GDI2: variants seen among roughly 807,000 people sequenced by gnomAD.
The protein encoded by GDI2 is rab GDP dissociation inhibitor beta.
Under a neutral mutation model 54.2 loss-of-function variants are expected in GDI2, and 22 were observed. The observed-to-expected ratio is 0.41, with a 90% CI of 0.29 to 0.58. The LOEUF (loss-of-function observed/expected upper bound fraction) is 0.58, where lower values mean the gene tolerates loss of function less well. GDI2 is among the 20% of genes least tolerant of loss of function. GDI2 has a pLI of 0.35. For synonymous variants in GDI2, 177 were observed against 182.1 expected, an observed-to-expected ratio of 0.97 and a Z score of 0.23; for missense variants, 422 against 546.0, an observed-to-expected ratio of 0.77 and a Z score of 2.26.
intron 4 of GDI2, among the ~76,000 whole-genome samples, chr10:5,792,688 C>A (rs79042957): frequency 0.014 from 1,803 of 131,014 alleles, 109 homozygotes; most frequent in Admixed American, 0.11. Context: ...TGCGCTTATT[C>A]AAAAAAAAAA....
chr10:5,778,015 C>G (rs964627501), intron 6 of GDI2, among the ~76,000 whole-genome samples: 3 of 152,200 alleles, frequency 2.0e-5, no homozygotes, highest in African/African-American at 7.2e-5. Context: ...AACCATCATT[C>G]TCAGTTAACT....
chr10:5,805,892 C>T (rs187810606), intron 1 of GDI2, among the ~76,000 whole-genome samples: 1 of 152,324 alleles, frequency 6.6e-6, no homozygotes, highest in Admixed American at 6.5e-5. Context: ...ATGCAGCACA[C>T]TTTGGGTAAC....
In GDI2 at chr10:5,806,727, A is replaced by T. The variant is rs573634801; in HGVS notation, c.46-6022T>A. ...GGGGGGTGGGGGAAGAAAACAACCTAAAGCAGCACCAACATATAGTTCCAC... is the reference window on the plus strand; with the variant it reads ...GGGGGGTGGGGGAAGAAAACAACCTTAAGCAGCACCAACATATAGTTCCAC... On this transcript the variant is annotated intron_variant, in intron 1 of 10. Coordinates refer to ENST00000380191, the MANE Select transcript of GDI2 (RefSeq NM_001494.4). 6.2e-4 allele frequency among the ~76,000 whole-genome samples: 95 copies of T among 152,320 alleles called. No homozygotes were observed. In the South Asian group the frequency reaches 0.02, roughly 32 times the overall value.
intron 6 of GDI2, among the ~76,000 whole-genome samples, chr10:5,781,905 C>T (rs1478616262): frequency 6.6e-6 from 1 of 151,954 alleles, no homozygotes; most frequent in African/African-American, 2.4e-5. Flanking sequence ...CCCAGCTACT[C>T]GGGAGGCTGA....
chr10:5,800,765 T>C (rs1377207624), intron 1 of GDI2, 60 bp from the exon 2 acceptor site: 2 of 852,202 alleles, frequency 2.3e-6, no homozygotes, highest in Non-Finnish European at 4.1e-6. Context: ...AAACAGATCA[T>C]TTTTTTCAAG....
In GDI2 at chr10:5,796,871, A is replaced by C. The variant is rs778723839; in HGVS notation, c.154-9T>G. On this transcript the variant is annotated splice_polypyrimidine_tract_variant and intron_variant, in intron 2 of 10. Transcript: ENST00000380191. ...TTAAATCTTTTGTATAACTAAAAGC[A>C]AGGAAAAACATAGCCATAATGTTAA... 1 of 1,316,116 alleles carries C rather than the reference A, an allele frequency of 7.6e-7. No homozygotes were observed. Among genetic ancestry groups the C allele is most frequent in the Non-Finnish European group, 1.1e-6 (1 of 911,128 alleles). The allele number at this position is 1,316,116 out of a possible 1,614,324, so 81.5% of individuals were successfully genotyped here.
intron 7 of GDI2, among the ~76,000 whole-genome samples, chr10:5,773,369 ATTTT>A (rs910070208): frequency 2.0e-5 from 3 of 150,512 alleles, no homozygotes; most frequent in African/African-American, 4.9e-5. Flanking sequence ...TTTCCTTGTG[ATTTT>A]TTTTTTCAGT....
intron 2 of GDI2, among the ~76,000 whole-genome samples, chr10:5,797,843 T>C (rs77468131): frequency 0.038 from 5,735 of 152,280 alleles, 383 homozygotes; most frequent in African/African-American, 0.13. Flanking sequence ...ATAGCAATCA[T>C]CTAAATTCAT....
intron 1 of GDI2, among the ~76,000 whole-genome samples, chr10:5,811,012 C>A (rs1214795727): frequency 2.0e-5 from 3 of 152,166 alleles, no homozygotes; most frequent in African/African-American, 7.2e-5. Context: ...AAGTCTCAGG[C>A]ACTAAAGTAA....
chr10:5,785,122 T>A lies in GDI2; in HGVS notation c.719+20A>T. ...AAGATGAGGTTTTGGATCACTGAGG[T>A]TTTAAACACAGGCTCTTACCTTGCA... On this transcript the variant is annotated intron_variant, in intron 6 of 10. Coordinates refer to ENST00000380191, the MANE Select transcript of GDI2 (RefSeq NM_001494.4). 1 of 1,553,736 alleles carries A rather than the reference T, an allele frequency of 6.4e-7. No homozygotes were observed.
intron 7 of GDI2, among the ~76,000 whole-genome samples, chr10:5,772,531 C>T (rs181572060): frequency 5.9e-5 from 9 of 151,876 alleles, no homozygotes; most frequent in Non-Finnish European, 7.4e-5. Flanking sequence ...CTGAGGCGGG[C>T]GGATCACTTG....
At chr10:5,786,203 C>T (rs1346740154) in intron 4 of GDI2, among the ~76,000 whole-genome samples, 153 bp from the exon 5 acceptor site, 1 of 112,378 alleles carries the variant, frequency 8.9e-6, no homozygotes, top group Non-Finnish European at 1.7e-5. Context: ...CAGAGTCTTG[C>T]TCTGTCGCCT....
At chr10:5,780,217 AAAACAAAC>A (rs200803775) in intron 6 of GDI2, among the ~76,000 whole-genome samples, 25,746 of 143,938 alleles carry the variant, frequency 0.18, 2,476 homozygotes, top group Admixed American at 0.24. Context: ...TCCAAAAAAA[AAAACAAAC>A]AAACAAACAA....
intron 7 of GDI2, among the ~76,000 whole-genome samples, chr10:5,770,201 T>C (rs1297037615): frequency 6.6e-6 from 1 of 152,214 alleles, no homozygotes; most frequent in Non-Finnish European, 1.5e-5. Flanking sequence ...AGTAGAATGG[T>C]GCTTGCCAGT....
chr10:5,786,255 C>T (rs1340809371), intron 4 of GDI2, among the ~76,000 whole-genome samples: 2 of 146,674 alleles, frequency 1.4e-5, no homozygotes, highest in Non-Finnish European at 3.0e-5. Flanking sequence ...ACTGCAACCT[C>T]TGCCTCCCGT....
At position 5,794,183 on chromosome 10, in the gene GDI2, AAAAAAATATATATATATATATATAT is replaced by A. The variant is rs1342253526; in HGVS notation, c.388+677_388+701del. 4.5e-4 allele frequency among the ~76,000 whole-genome samples: 24 copies of A among 53,148 alleles called. 2 individuals carry two copies. The highest frequency in any genetic ancestry group is 4.5e-3 in the South Asian group (5 of 1,118). 34.9% of individuals were successfully genotyped at this position (53,148 alleles called of 152,430 possible). A position where few individuals can be genotyped will look rare whatever the true frequency, so the allele number is the denominator to read the frequency against. ...CTCTGTCTTTAAAAGAAAAAAAAAA[AAAAAAATATATATATATATATATAT>A]ATATATATATATATATATATATATA... On this transcript the variant is annotated intron_variant, in intron 4 of 10. Transcript: ENST00000380191.
intron 2 of GDI2, among the ~76,000 whole-genome samples, chr10:5,798,638 G>GA (rs992661399): frequency 1.1e-4 from 16 of 150,876 alleles, no homozygotes; most frequent in South Asian, 4.2e-4. Flanking sequence ...CATCTGGGGA[G>GA]AAAAAAAAGA....
intron 7 of GDI2, among the ~76,000 whole-genome samples, chr10:5,769,648 A>C (rs1013796504): frequency 6.6e-6 from 1 of 152,200 alleles, no homozygotes; most frequent in South Asian, 2.1e-4. Context: ...CAATAAGCAC[A>C]TGCAAAGATG....
intron 6 of GDI2, 48 bp from the exon 7 acceptor site, chr10:5,773,989 T>A (rs1474354136): frequency 1.3e-6 from 1 of 766,808 alleles, no homozygotes; most frequent in Non-Finnish European, 2.2e-6. Flanking sequence ...TTGTTTCAAC[T>A]CCTAAAGTCC....
Sources: gnomAD v4.1 joint callset for allele counts (sites outside exome capture counted in the v4.1 genomes callset) on GRCh38, gnomAD v4.1.1 for gene constraint, MANE v1.5 for transcripts, NCBI Gene and HGNC (gene_info 2026-07-23, HGNC 2026-07-21) for gene names.